Variants in FLII observed in about 807,000 individuals in gnomAD.
The protein encoded by FLII is FLII actin remodeling protein.
FLII carries 101 observed loss-of-function variants against 156.2 expected under a neutral mutation model. The observed-to-expected ratio is 0.65, with a 90% CI of 0.55 to 0.76. The LOEUF (loss-of-function observed/expected upper bound fraction) is 0.76, where lower values mean the gene tolerates loss of function less well. Among genes scored for constraint, FLII ranks in the 30% least tolerant of loss-of-function variants. FLII has a pLI of 0.00. For synonymous variants in FLII, 767 were observed against 685.8 expected, an observed-to-expected ratio of 1.12 and a Z score of -1.85; for missense variants, 1,675 against 1,682.8, an observed-to-expected ratio of 1.00 and a Z score of 0.08.
In FLII at chr17:18,245,347, A is replaced by AGAT; in HGVS notation, c.3675+4_3675+6dup. The AGAT allele has an allele frequency of 3.1e-6, 5 of 1,614,126 alleles. No homozygotes were observed. The Middle Eastern group carries it at 5.0e-4, about 160-fold the overall frequency. On this transcript the variant is annotated splice_region_variant and intron_variant, in intron 29 of 29. Transcript: ENST00000327031. Reference sequence around the variant, plus strand: ...GCCCACCTCGGCCCTCCCTCCACCCAGATTACCTGGCAGGCCTTCAGGCTC... The same window carrying AGAT: ...GCCCACCTCGGCCCTCCCTCCACCCAGATGATTACCTGGCAGGCCTTCAGGCTC...
At position 18,251,788 on chromosome 17, in the gene FLII, A is replaced by C; in HGVS notation, c.1275T>G (p.Ala425=). The change falls in exon 12 of 30, where the codon GCT becomes GCG. Residue 425 remains alanine, a synonymous_variant. Transcript: ENST00000327031. ...TGCGCCTCCGCAGTCGCATCTTGCGAGCCATAGGGTCCTTGGGCCCACTCC... is the reference window on the plus strand; with the variant it reads ...TGCGCCTCCGCAGTCGCATCTTGCGCGCCATAGGGTCCTTGGGCCCACTCC... The part of the protein sequence containing the change: ...AAGSGPKDPM[A]RKMRLRRRKD... The C allele has an allele frequency of 6.2e-7, 1 of 1,613,804 alleles. No homozygotes were observed. Among genetic ancestry groups the C allele is most frequent in the Non-Finnish European group, 8.5e-7 (1 of 1,180,022 alleles).
chr17:18,257,180 T>C (rs1298128170), intron 1 of FLII, 161 bp from the exon 2 acceptor site: 11 of 555,682 alleles, frequency 2.0e-5, no homozygotes, highest in East Asian at 6.3e-5. Flanking sequence ...TCTTCACCCA[T>C]AGAATGGGAA....
rs977167171 is a variant in FLII, at chr17:18,258,520, T to A, written c.63+108A>T. 6.6e-7 allele frequency: 1 copy of A among 1,509,780 alleles called. No homozygotes were observed. The highest frequency in any genetic ancestry group is 2.1e-5 in the Admixed American group (1 of 48,596). The allele number at this position is 1,509,780 out of a possible 1,614,324, so 93.5% of individuals were successfully genotyped here. ...CCCACCCCGCCCCGGCCGCAGTCCCTGGGACACGCAGGGCCTGGAGCCGAG... is the reference window on the plus strand; with the variant it reads ...CCCACCCCGCCCCGGCCGCAGTCCCAGGGACACGCAGGGCCTGGAGCCGAG... On this transcript the variant is annotated intron_variant, in intron 1 of 29. Coordinates refer to ENST00000327031, the MANE Select transcript of FLII (RefSeq NM_002018.4). The surrounding 1 kb of genome is among the most constrained non-coding windows in gnomAD (Gnocchi z 4.2).
intron 4 of FLII, 81 bp downstream of exon 4, chr17:18,255,102 A>T: frequency 8.6e-7 from 1 of 1,168,398 alleles, no homozygotes. Flanking sequence ...TGGGATAACA[A>T]TGGCCCCAGG....
In FLII at chr17:18,252,138, A is replaced by G. The variant is rs1269415557; in HGVS notation, c.1107T>C (p.Asp369=). The change falls in exon 11 of 30, where the codon GAT becomes GAC. Residue 369 remains aspartate (D), a synonymous_variant. Transcript: ENST00000327031. Reference sequence around the variant, plus strand: ...TGACCAGGTTGGGGTTCTCCCGCACATCCAGGACCTGCCCCATAGGGTGAG... The same window carrying G: ...TGACCAGGTTGGGGTTCTCCCGCACGTCCAGGACCTGCCCCATAGGGTGAG... ...IHFLTEIEVL[D]VRENPNLVMP... 6.2e-6 allele frequency: 10 copies of G among 1,613,094 alleles called. No individual in the cohort carries two copies. Among genetic ancestry groups the G allele is most frequent in the Non-Finnish European group, 8.5e-6 (10 of 1,179,986 alleles).
Position 18,245,346 on chromosome 17 carries a change from C to T in FLII, c.3675+8G>A, listed in dbSNP as rs750416517. ...GGCCCACCTCGGCCCTCCCTCCACC[C>T]AGATTACCTGGCAGGCCTTCAGGCT... On this transcript the variant is annotated splice_region_variant and intron_variant, in intron 29 of 29. Transcript: ENST00000327031. The T allele has an allele frequency of 6.2e-7, 1 of 1,614,224 alleles. No individual in the cohort carries two copies.
In FLII at chr17:18,251,303, C is replaced by A. The variant is rs751218845; in HGVS notation, c.1558G>T (p.Gly520Cys). 3.1e-6 allele frequency: 5 copies of A among 1,613,990 alleles called. No individual in the cohort carries two copies. The South Asian group carries it at 5.5e-5, about 18-fold the overall frequency. ...TAGCAGTCAGCCTCGTAGAACTTGC[C>A]GTGGAAGGCTTCCTCCACCAGCACA... ...VPVLVEEAFHGKFYEADCYIV... is the reference protein window; with the variant it reads ...VPVLVEEAFHCKFYEADCYIV... Residue 520 changes from glycine (G) to cysteine (C), a missense_variant, in exon 13 of 30, where the codon GGC becomes TGC. Physicochemically the swap from Gly to Cys is radical, Grantham distance 159 (BLOSUM62 -3). Transcript: ENST00000327031.
chr17:18,249,864 ATCTTAGT>A (rs1324300436), intron 14 of FLII, among the ~76,000 whole-genome samples: 3 of 152,058 alleles, frequency 2.0e-5, no homozygotes, highest in Non-Finnish European at 4.4e-5. Flanking sequence ...CATGCCTGTA[ATCTTAGT>A]ACTTTGGGAG....
intron 3 of FLII, 24 bp from the exon 4 acceptor site, chr17:18,255,287 A>G (rs2048381713): frequency 1.7e-5 from 27 of 1,596,014 alleles, no homozygotes; most frequent in Non-Finnish European, 2.1e-5. Flanking sequence ...ATAAGAGTCT[A>G]TAATTCCTGG....
intron 16 of FLII, 32 bp downstream of exon 16, chr17:18,249,095 A>C: frequency 1.3e-6 from 2 of 1,589,348 alleles, no homozygotes; most frequent in Non-Finnish European, 1.7e-6. Flanking sequence ...GCTGAGGATG[A>C]AGCACCCCCA....
intron 23 of FLII, 37 bp from the exon 24 acceptor site, chr17:18,246,499 C>T: frequency 1.9e-6 from 3 of 1,612,654 alleles, no homozygotes; most frequent in South Asian, 1.1e-5. Flanking sequence ...GCTCCCTGGA[C>T]CCCCACCTGC....
intron 21 of FLII, 46 bp downstream of exon 21, chr17:18,247,123 G>GGGGGGGGGGCGCGCC: frequency 8.0e-7 from 1 of 1,249,072 alleles, no homozygotes; most frequent in Non-Finnish European, 1.0e-6. Context: ...CCCTCGGCCT[G>GGGGGGGGGGCGCGCC]CCCCCCACCC....
At position 18,254,160 on chromosome 17, in the gene FLII, G is replaced by C. The variant is rs1279414614; in HGVS notation, c.598C>G (p.Leu200Val). The C allele has an allele frequency of 6.2e-7, 1 of 1,610,100 alleles. No individual in the cohort carries two copies. Among genetic ancestry groups the C allele is most frequent in the Non-Finnish European group, 8.5e-7 (1 of 1,177,994 alleles). ...QLRQLPAMTA[L>V]QTLHLRSTQR... The stretch of plus-strand genomic sequence containing the variant: ...GTGCTCCGCAGGTGCAGGGTCTGCA[G>C]GGCCGTCATCGCTGGGAGCTGCCTG... Residue 200 changes from leucine (L) to valine (V), a missense_variant, in exon 7 of 30, where the codon CTG becomes GTG. This residue lies in a region of FLII where 343 missense variants were observed against 413.5 expected (regional missense o/e 0.83). Coordinates refer to ENST00000327031, the MANE Select transcript of FLII (RefSeq NM_002018.4).
rs1236372120 is a variant in FLII, at chr17:18,253,342, A to G, written c.972T>C (p.Ala324=). The change falls in exon 9 of 30, where the codon GCT becomes GCC. Residue 324 remains alanine, a synonymous_variant. Transcript: ENST00000327031. Reference sequence around the variant, plus strand: ...GGACCAGCTCCAGGTTGTTGTTGGCAGCCATGAACTCTTCCAGGTTGGTGA... The same window carrying G: ...GGACCAGCTCCAGGTTGTTGTTGGCGGCCATGAACTCTTCCAGGTTGGTGA... ...GKLTNLEEFM[A]ANNNLELVPE... 1 of 1,613,928 alleles carries G rather than the reference A, an allele frequency of 6.2e-7. No homozygotes were observed. The highest frequency in any genetic ancestry group is 8.5e-7 in the Non-Finnish European group (1 of 1,180,020).
rs1011486173 is a variant in FLII at position 18,253,337 on chromosome 17, T to C, written c.977A>G (p.Asn326Ser). Residue 326 changes from asparagine to serine, a missense_variant, in exon 9 of 30, where the codon AAC becomes AGC. By Grantham distance (46) the Asn-to-Ser change is conservative. Transcript: ENST00000327031. ...LTNLEEFMAANNNLELVPESL... is the reference protein window; with the variant it reads ...LTNLEEFMAASNNLELVPESL... ...TTCAGGGACCAGCTCCAGGTTGTTG[T>C]TGGCAGCCATGAACTCTTCCAGGTT... 53 of 1,613,810 alleles carry C rather than the reference T, an allele frequency of 3.3e-5. No individual in the cohort carries two copies. Among genetic ancestry groups the C allele is most frequent in the Non-Finnish European group, 4.3e-5 (51 of 1,180,034 alleles).
At chr17:18,256,792 G>T in intron 2 of FLII, 117 bp downstream of exon 2, 1 of 809,636 alleles carries the variant, frequency 1.2e-6, no homozygotes, top group South Asian at 1.6e-5. Flanking sequence ...CTTTCTTCCA[G>T]CTCTGCTCAT....
In FLII at chr17:18,247,831, G is replaced by T. The variant is rs201003567; in HGVS notation, c.2313C>A (p.Asp771Glu). The T allele has an allele frequency of 2.5e-6, 4 of 1,613,792 alleles. No homozygotes were observed. The highest frequency in any genetic ancestry group is 3.4e-6 in the Non-Finnish European group (4 of 1,180,024). The change falls in exon 20 of 30, where the codon GAC becomes GAA. Residue 771 changes from aspartate to glutamate, a missense_variant. Physicochemically the swap from Asp to Glu is conservative, Grantham distance 45. Transcript: ENST00000327031. ...AGTCCAGAATGTACACGCAGCGCGT[G>T]TCCAGCAGACTCTGCAGCTGCGGAC... is the stretch of plus-strand genomic sequence containing the variant. ...PRMRLLQSLL[D>E]TRCVYILDCW... is the part of the protein sequence containing the mutation.
At position 18,245,572 on chromosome 17, in the gene FLII, G is replaced by T; in HGVS notation, c.3592C>A (p.Leu1198Ile). Residue 1198 changes from leucine to isoleucine, a missense_variant, in exon 28 of 30, where the codon CTA (leucine) becomes ATA (isoleucine). Physicochemically the swap from Leu to Ile is conservative, Grantham distance 5. Transcript: ENST00000327031. ...CATCACACCTCTTGGCCATTGTCTA[G>T]CAACATGATGTCATCATCTGCCAGG... is the stretch of plus-strand genomic sequence containing the variant. ...DDLADDDIML[L>I]DNGQEVYMWV... is the part of the protein sequence containing the mutation. 1 of 1,613,796 alleles carries T rather than the reference G, an allele frequency of 6.2e-7. No individual in the cohort carries two copies. Among genetic ancestry groups the T allele is most frequent in the Non-Finnish European group, 8.5e-7 (1 of 1,179,956 alleles).
At chr17:18,251,924 C>T (rs1487991496) in intron 11 of FLII, 75 bp downstream of exon 11, 1 of 1,602,656 alleles carries the variant, frequency 6.2e-7, no homozygotes, top group Non-Finnish European at 8.5e-7. Context: ...AGCTGTATGC[C>T]ACCCAATTTA....
Sources: gnomAD v4.1 joint callset for allele counts (sites outside exome capture counted in the v4.1 genomes callset) on GRCh38, gnomAD v4.1.1 for gene constraint, gnomAD v4.1.1 regional missense constraint, Gnocchi (gnomAD v3.1) non-coding constraint, MANE v1.5 for transcripts, NCBI Gene and HGNC (gene_info 2026-07-23, HGNC 2026-07-21) for gene names.